ADTRP: variants seen among roughly 807,000 people sequenced by gnomAD.
ADTRP encodes androgen dependent TFPI regulating protein.
ADTRP carries 20 observed loss-of-function variants against 27.0 expected under a neutral mutation model. The ratio of observed to expected loss-of-function variants is 0.74; its 90% CI spans 0.52 to 1.08. The LOEUF is 1.08. Among genes scored for constraint, ADTRP ranks in the 50% least tolerant of loss-of-function variants. ADTRP has a pLI of 0.00. For synonymous variants in ADTRP, 101 were observed against 105.2 expected, an observed-to-expected ratio of 0.96 and a Z score of 0.25; for missense variants, 251 against 275.0, an observed-to-expected ratio of 0.91 and a Z score of 0.62.
At position 11,736,239 on chromosome 6, in the gene ADTRP, G is replaced by A. The variant is rs550220272; in HGVS notation, c.391-556C>T. ...TCCTAAAACACACACACACACACAC[G>A]CACACACACTCATGCATACTCTCAT... On this transcript the variant is annotated intron_variant, in intron 3 of 5. Transcript: ENST00000414691. 2.3e-3 allele frequency: 357 copies of A among 156,526 alleles called. 3 individuals are homozygous for A. Among genetic ancestry groups the A allele is most frequent in the Non-Finnish European group, 2.6e-3 (185 of 71,230 alleles). The allele number at this position is 156,526 out of a possible 1,614,324, so 9.7% of individuals were successfully genotyped here.
chr6:11,775,428 G>A (rs1175166887), intron 1 of ADTRP, among the ~76,000 whole-genome samples: 3 of 151,898 alleles, frequency 2.0e-5, no homozygotes, highest in Non-Finnish European at 4.4e-5. Flanking sequence ...ACACAAAGAA[G>A]TGCCTAGCCC....
chr6:11,745,747 T>C (rs978178656), intron 3 of ADTRP, among the ~76,000 whole-genome samples: 1 of 152,236 alleles, frequency 6.6e-6, no homozygotes, highest in Non-Finnish European at 1.5e-5. Context: ...TAAAAACATA[T>C]AACTACATGT....
chr6:11,772,984 T>C (rs764056141), intron 1 of ADTRP, among the ~76,000 whole-genome samples: 2 of 152,192 alleles, frequency 1.3e-5, no homozygotes, highest in Non-Finnish European at 2.9e-5. Flanking sequence ...GTCGCATAGC[T>C]GAGGACAACG....
intron 3 of ADTRP, among the ~76,000 whole-genome samples, chr6:11,745,409 A>G (rs1762836143): frequency 6.6e-6 from 1 of 152,218 alleles, no homozygotes; most frequent in African/African-American, 2.4e-5. Flanking sequence ...AAAAATATTA[A>G]TAAATTTCAA....
intron 3 of ADTRP, among the ~76,000 whole-genome samples, chr6:11,754,575 G>T (rs1029749014): frequency 6.6e-6 from 1 of 152,240 alleles, no homozygotes; most frequent in Non-Finnish European, 1.5e-5. Context: ...ATGCTCTGCA[G>T]AATTATTCCA....
chr6:11,719,374 C>T (rs1232107660), intron 5 of ADTRP, among the ~76,000 whole-genome samples: 1 of 152,220 alleles, frequency 6.6e-6, no homozygotes, highest in East Asian at 1.9e-4. Flanking sequence ...AGAAGCGTTG[C>T]TCTGTAACAG....
chr6:11,750,354 T>C (rs1254525396), intron 3 of ADTRP, among the ~76,000 whole-genome samples: 1 of 152,254 alleles, frequency 6.6e-6, no homozygotes, highest in Non-Finnish European at 1.5e-5. Flanking sequence ...CAGGTAGTTC[T>C]GTAGGCTTGT....
At chr6:11,735,085 A>G (rs750282121) in intron 4 of ADTRP, among the ~76,000 whole-genome samples, 1 of 152,226 alleles carries the variant, frequency 6.6e-6, no homozygotes, top group Non-Finnish European at 1.5e-5. Context: ...GCAATTGCCC[A>G]AATGCCTTCT....
At chr6:11,737,866 G>A (rs1203525215) in intron 3 of ADTRP, among the ~76,000 whole-genome samples, 1 of 152,136 alleles carries the variant, frequency 6.6e-6, no homozygotes, top group African/African-American at 2.4e-5. Flanking sequence ...CCAGGCCCCC[G>A]TCGCACCTTG....
chr6:11,760,521 G>C (rs755257827), intron 3 of ADTRP, among the ~76,000 whole-genome samples: 6 of 152,096 alleles, frequency 3.9e-5, no homozygotes, highest in Non-Finnish European at 8.8e-5. Flanking sequence ...AACACTGAAG[G>C]CTGGAGTATT....
intron 1 of ADTRP, among the ~76,000 whole-genome samples, chr6:11,771,151 T>C (rs1417007346): frequency 6.6e-6 from 1 of 152,122 alleles, no homozygotes; most frequent in Non-Finnish European, 1.5e-5. Flanking sequence ...GCCTTCTCCA[T>C]CAATAAAAAC....
chr6:11,770,028 A>T (rs1214945183), intron 1 of ADTRP: 1 of 1,551,602 alleles, frequency 6.4e-7, no homozygotes, highest in Non-Finnish European at 8.7e-7. Context: ...CGAGGAAACA[A>T]ACCTGCCTAA....
At chr6:11,734,882 C>T (rs1405867918) in intron 4 of ADTRP, among the ~76,000 whole-genome samples, 1 of 152,214 alleles carries the variant, frequency 6.6e-6, no homozygotes, top group East Asian at 1.9e-4. Context: ...CAGCAAGCCT[C>T]TTTCTTTCAG....
intron 3 of ADTRP, chr6:11,754,962 C>A: frequency 5.5e-6 from 5 of 917,326 alleles, no homozygotes; most frequent in Non-Finnish European, 6.5e-6. Context: ...TGGCTCTTTC[C>A]TTCCACTTAG....
intron 5 of ADTRP, among the ~76,000 whole-genome samples, chr6:11,715,042 T>C (rs920685601): frequency 6.6e-6 from 1 of 152,210 alleles, no homozygotes; most frequent in Admixed American, 6.5e-5. Context: ...AATTATAGCA[T>C]TAGATTTGTA....
chr6:11,766,229 G>A (rs1252169135), intron 3 of ADTRP, 45 bp downstream of exon 3: 1 of 1,433,972 alleles, frequency 7.0e-7, no homozygotes, highest in East Asian at 2.3e-5. Flanking sequence ...TTTCAGTACA[G>A]AGGCTATTGG....
chr6:11,747,587 C>T (rs1339889241), intron 3 of ADTRP, among the ~76,000 whole-genome samples: 1 of 152,174 alleles, frequency 6.6e-6, no homozygotes, highest in African/African-American at 2.4e-5. Flanking sequence ...CCATAGCAGC[C>T]ATGAAAACAC....
At chr6:11,756,869 GC>G (rs1763229358) in intron 3 of ADTRP, among the ~76,000 whole-genome samples, 1 of 152,166 alleles carries the variant, frequency 6.6e-6, no homozygotes, top group Non-Finnish European at 1.5e-5. Context: ...TGCAAGGTGA[GC>G]GGTTTGTAGA....
intron 3 of ADTRP, among the ~76,000 whole-genome samples, chr6:11,752,460 C>T (rs1347126183): frequency 6.6e-6 from 1 of 152,076 alleles, no homozygotes; most frequent in Non-Finnish European, 1.5e-5. Context: ...AACAGAAGCC[C>T]ATCCAGGGAT....
Sources: gnomAD v4.1 joint callset for allele counts (sites outside exome capture counted in the v4.1 genomes callset) on GRCh38, gnomAD v4.1.1 for gene constraint, MANE v1.5 for transcripts, NCBI Gene and HGNC (gene_info 2026-07-23, HGNC 2026-07-21) for gene names.